Variants in TEX15 observed in about 807,000 individuals in gnomAD.
TEX15 encodes testis expressed 15, meiosis and synapsis associated.
In TEX15, 171 loss-of-function variants were observed where a neutral mutation model predicts 237.3. The observed-to-expected ratio is 0.72, with a 90% confidence interval of 0.64 to 0.82. The LOEUF is 0.82. Ranked by LOEUF, TEX15 falls within the 40% of genes least tolerant of loss-of-function variation. TEX15 has a pLI of 0.00. For synonymous variants in TEX15, 1,338 were observed against 1,269.8 expected (o/e 1.05, Z -1.14); for missense variants, 3,750 against 3,646.5 (o/e 1.03, Z -0.73).
intron 3 of TEX15, among the ~76,000 whole-genome samples, chr8:30,885,541 T>A (rs1346203070): frequency 1.3e-5 from 2 of 152,210 alleles, no homozygotes; most frequent in African/African-American, 4.8e-5. Flanking sequence ...TATGTCTTTA[T>A]CAGTAGTGTG....
rs1807705224 is a variant in TEX15 at position 30,849,057 on chromosome 8, G to A, written c.1110C>T (p.Asp370=). 1.2e-6 allele frequency: 2 copies of A among 1,614,002 alleles called. No individual in the cohort carries two copies. Among genetic ancestry groups the A allele is most frequent in the Non-Finnish European group, 1.7e-6 (2 of 1,179,962 alleles). ...AATCATGTGCAAGTACTTGAGAAGTGTCTCTAATTTCTGCTAAACTGTGCT... is the reference window on the plus strand; with the variant it reads ...AATCATGTGCAAGTACTTGAGAAGTATCTCTAATTTCTGCTAAACTGTGCT... ...QTEHSLAEIR[D]TSQVLAHDSD... Residue 370 remains aspartate (D), a synonymous_variant, in exon 8 of 11, where the codon GAC becomes GAT. Transcript: ENST00000643185.
chr8:30,837,894 C>T lies in TEX15; in HGVS notation c.8390G>A (p.Ser2797Asn), dbSNP rs1351160560. The T allele has an allele frequency of 3.1e-6, 5 of 1,614,152 alleles. No individual in the cohort carries two copies. In the Middle Eastern group the frequency reaches 6.6e-4, roughly 213 times the overall value. The change falls in exon 10 of 11, where the codon AGC becomes AAC. Residue 2797 changes from serine (S) to asparagine (N), a missense_variant. Physicochemically the swap from Ser to Asn is conservative, Grantham distance 46. Transcript: ENST00000643185. Reference protein sequence around the residue: ...PKDTCASKSESKIDLTVSSDH... With the variant: ...PKDTCASKSENKIDLTVSSDH... ...AGATGAAACAGTTAAGTCTATTTTG[C>T]TTTCCGACTTTGATGCGCAAGTGTC...
At position 30,848,387 on chromosome 8, in the gene TEX15, G is replaced by C. The variant is rs1161821487; in HGVS notation, c.1780C>G (p.Gln594Glu). 1.2e-6 allele frequency: 2 copies of C among 1,614,108 alleles called. No homozygotes were observed. Among genetic ancestry groups the C allele is most frequent in the Admixed American group, 1.7e-5 (1 of 60,024 alleles). Residue 594 changes from glutamine to glutamate, a missense_variant, in exon 8 of 11, where the codon CAG (glutamine) becomes GAG (glutamate). Gln to Glu is a conservative substitution (Grantham distance 29, BLOSUM62 2). Coordinates refer to ENST00000643185, the MANE Select transcript of TEX15 (RefSeq NM_001350162.2). ...ACTGTAGACGTTTGGCAACCAGTCTGATAAATTGTTTTTAAATCAGAAGAC... is the reference window on the plus strand; with the variant it reads ...ACTGTAGACGTTTGGCAACCAGTCTCATAAATTGTTTTTAAATCAGAAGAC... ...SQSSDLKTIY[Q>E]TGCQTSTVFP...
chr8:30,848,095 G>A lies in TEX15; in HGVS notation c.2072C>T (p.Thr691Ile). Residue 691 changes from threonine (T) to isoleucine (I), a missense_variant, in exon 8 of 11, where the codon ACA becomes ATA. Thr to Ile is a moderately conservative substitution (Grantham distance 89, BLOSUM62 -1). Transcript: ENST00000643185. ...CTTTATGGTAGATGTAGAAGATTTT[G>A]TTATTTCTAACTCTTGAGTAATTAA... ...KILITQELEI[T>I]KSSTSTIKDK... 1 of 1,610,288 alleles carries A rather than the reference G, an allele frequency of 6.2e-7. No individual in the cohort carries two copies. Among genetic ancestry groups the A allele is most frequent in the Non-Finnish European group, 8.5e-7 (1 of 1,178,178 alleles).
chr8:30,846,568 A>T lies in TEX15; in HGVS notation c.3599T>A (p.Ile1200Asn), dbSNP rs557187355. ...CTGGGAATAAATGTCAAATCCTAGA[A>T]TTTCTCCATCTTCCTTATTTATTTC... ...KPEINKEDGE[I>N]LGFDIYSQPF... Residue 1200 changes from isoleucine to asparagine, a missense_variant, in exon 8 of 11, where the codon ATT becomes AAT. Coordinates refer to ENST00000643185, the MANE Select transcript of TEX15 (RefSeq NM_001350162.2). The T allele has an allele frequency of 6.2e-7, 1 of 1,613,796 alleles. No individual in the cohort carries two copies. Among genetic ancestry groups the T allele is most frequent in the Non-Finnish European group, 8.5e-7 (1 of 1,179,768 alleles).
At chr8:30,890,742 G>A (rs1808779331) in intron 2 of TEX15, 1 of 152,036 alleles carries the variant, frequency 6.6e-6, no homozygotes, top group South Asian at 2.1e-4. Context: ...TTGCTTAAAA[G>A]AAAATATTCT....
chr8:30,841,890 CCAGA>C (rs1362180390), intron 8 of TEX15, 110 bp downstream of exon 8: 26 of 634,514 alleles, frequency 4.1e-5, no homozygotes, highest in Admixed American at 6.8e-5. Context: ...ATTCATTTTG[CCAGA>C]CAATTTACCA....
intron 1 of TEX15, among the ~76,000 whole-genome samples, chr8:30,899,726 T>C (rs10103555): frequency 0.46 from 70,244 of 152,032 alleles, 21,253 homozygotes; most frequent in African/African-American, 0.87. Context: ...GAGTAAGCCA[T>C]GGCACCTGGC....
chr8:30,873,086 G>T (rs1360634178), intron 4 of TEX15, among the ~76,000 whole-genome samples: 2 of 152,060 alleles, frequency 1.3e-5, no homozygotes, highest in African/African-American at 4.8e-5. Context: ...GCCCAATGAT[G>T]CATTTCTCAC....
rs761752700 is a variant in TEX15 at position 30,843,009 on chromosome 8, T to C, written c.7158A>G (p.Lys2386=). The C allele has an allele frequency of 2.5e-6, 4 of 1,613,398 alleles. No homozygotes were observed. In the African/African-American group the frequency reaches 4.0e-5, roughly 16 times the overall value. The change falls in exon 8 of 11, where the codon AAA becomes AAG. Residue 2386 remains lysine, a synonymous_variant. Coordinates refer to ENST00000643185, the MANE Select transcript of TEX15 (RefSeq NM_001350162.2). ...LDQAEFADLK[K]LQDLTLRCTD... ...TACATCTCAAGGTGAGATCCTGTAA[T>C]TTTTTAAGGTCTGCAAATTCAGCCT...
chr8:30,898,755 C>CTGG lies in TEX15; in HGVS notation c.-24_-23insCCA. ...TGAAATACTTACCACTCTTCAATGG[C>CTGG]ATCCAGCATTACACAGTTATAATCA... is the stretch of plus-strand genomic sequence containing the variant. On this transcript the variant is annotated 5_prime_UTR_variant, in exon 2 of 11. It removes an upstream start codon present in the reference 5' UTR. Coordinates refer to ENST00000643185, the MANE Select transcript of TEX15 (RefSeq NM_001350162.2). The CTGG allele has an allele frequency of 6.6e-6, 1 of 152,294 alleles. No individual in the cohort carries two copies. Among genetic ancestry groups the CTGG allele is most frequent in the East Asian group, 1.9e-4 (1 of 5,180 alleles). The allele number at this position is 152,294 out of a possible 1,614,324, so 9.4% of individuals were successfully genotyped here. A position where few individuals can be genotyped will look rare whatever the true frequency, so the allele number is the denominator to read the frequency against.
In TEX15 at chr8:30,836,984, A is replaced by G. The variant is rs1285217896; in HGVS notation, c.9300T>C (p.Phe3100=). 6.2e-7 allele frequency: 1 copy of G among 1,614,030 alleles called. No homozygotes were observed. The highest frequency in any genetic ancestry group is 2.2e-5 in the East Asian group (1 of 44,896). The change falls in exon 10 of 11, where the codon TTT becomes TTC. Residue 3100 remains phenylalanine (F), a synonymous_variant. Transcript: ENST00000643185. ...NLLYSQYFTY[F]AGEPQANGFV... ...AGCCATTTGCTTGTGGCTCCCCCGCAAAATAAGTAAAATATTGAGAGTACA... is the reference window on the plus strand; with the variant it reads ...AGCCATTTGCTTGTGGCTCCCCCGCGAAATAAGTAAAATATTGAGAGTACA...
chr8:30,837,137 G>A lies in TEX15; in HGVS notation c.9147C>T (p.Tyr3049=), dbSNP rs1807322668. 2 of 1,613,898 alleles carry A rather than the reference G, an allele frequency of 1.2e-6. No homozygotes were observed. The highest frequency in any genetic ancestry group is 1.7e-6 in the Non-Finnish European group (2 of 1,179,840). The change falls in exon 10 of 11, where the codon TAC becomes TAT. Residue 3049 remains tyrosine, a synonymous_variant. Coordinates refer to ENST00000643185, the MANE Select transcript of TEX15 (RefSeq NM_001350162.2). The part of the protein sequence containing the change: ...YPYSAWCVYQ[Y]SNSNGNAITQ... ...TAATGGCATTGCCATTGCTGTTGCT[G>A]TACTGATAAACACACCAAGCAGAGT...
chr8:30,866,726 T>G (rs959769540), intron 5 of TEX15, among the ~76,000 whole-genome samples: 2 of 148,950 alleles, frequency 1.3e-5, no homozygotes, highest in Non-Finnish European at 3.0e-5. Context: ...GACACACACA[T>G]ACACACACAC....
chr8:30,882,373 G>A (rs1312541725), intron 3 of TEX15, among the ~76,000 whole-genome samples: 3 of 152,126 alleles, frequency 2.0e-5, no homozygotes, highest in Non-Finnish European at 2.9e-5. Context: ...TGCAAGCTCC[G>A]CCTCCTGGGC....
At chr8:30,869,077 GA>G (rs959667248) in intron 4 of TEX15, among the ~76,000 whole-genome samples, 8 of 146,582 alleles carry the variant, frequency 5.5e-5, no homozygotes, top group African/African-American at 1.0e-4. Context: ...AACTATATTT[GA>G]AAAAAAAATG....
At chr8:30,866,100 C>A (rs906703415) in intron 5 of TEX15, among the ~76,000 whole-genome samples, 3 of 151,872 alleles carry the variant, frequency 2.0e-5, no homozygotes, top group Non-Finnish European at 4.4e-5. Flanking sequence ...TTGCAGGATA[C>A]AAAATCAACA....
At chr8:30,861,184 G>A (rs1053285884) in intron 5 of TEX15, among the ~76,000 whole-genome samples, 1 of 151,950 alleles carries the variant, frequency 6.6e-6, no homozygotes, top group African/African-American at 2.4e-5. Flanking sequence ...TGAGACAACA[G>A]AAAAAATTAA....
chr8:30,882,656 A>G (rs1250531194), intron 3 of TEX15, among the ~76,000 whole-genome samples: 1 of 152,204 alleles, frequency 6.6e-6, no homozygotes, highest in Non-Finnish European at 1.5e-5. Flanking sequence ...CATGTTCCAC[A>G]GGTGCTTGAA....
Sources: gnomAD v4.1 joint callset for allele counts (sites outside exome capture counted in the v4.1 genomes callset) on GRCh38, gnomAD v4.1.1 for gene constraint, MANE v1.5 for transcripts, NCBI Gene and HGNC (gene_info 2026-07-23, HGNC 2026-07-21) for gene names.